Variants in DLG2 observed in about 807,000 individuals in gnomAD.
DLG2 encodes the protein disks large homolog 2.
Under a neutral mutation model 132.5 loss-of-function variants are expected in DLG2, and 45 were observed. That is an observed-to-expected ratio of 0.34 (90% CI 0.27 to 0.44). The LOEUF is 0.44. Ranked by LOEUF, DLG2 falls within the 20% of genes least tolerant of loss-of-function variation. DLG2 has a pLI of 1.00. For missense variants in DLG2, 1,045 were observed against 1,196.9 expected, an observed-to-expected ratio of 0.87 and a Z score of 1.87; for synonymous variants, 424 against 419.6, an observed-to-expected ratio of 1.01 and a Z score of -0.13.
chr11:84,526,821 CAGG>C (rs1247377210), intron 7 of DLG2, among the ~76,000 whole-genome samples: 1 of 147,794 alleles, frequency 6.8e-6, no homozygotes, highest in Non-Finnish European at 1.5e-5. Flanking sequence ...CTCTGTCGCC[CAGG>C]CTGGAGTGCA....
At chr11:83,649,927 T>A (rs1020401071) in intron 18 of DLG2, among the ~76,000 whole-genome samples, 1 of 152,218 alleles carries the variant, frequency 6.6e-6, no homozygotes, top group Non-Finnish European at 1.5e-5. Context: ...TTGGCTTCCT[T>A]TAGTCAGAAT....
intron 19 of DLG2, among the ~76,000 whole-genome samples, chr11:83,552,743 T>C (rs760377103): frequency 3.9e-5 from 6 of 152,232 alleles, no homozygotes; most frequent in Admixed American, 6.5e-5. Flanking sequence ...CAGCTTTTCT[T>C]CTTGTAGACA....
At chr11:83,824,234 C>T (rs1361548349) in intron 17 of DLG2, among the ~76,000 whole-genome samples, 3 of 152,114 alleles carry the variant, frequency 2.0e-5, no homozygotes, top group African/African-American at 7.2e-5. Context: ...GGGAAGTTTC[C>T]CCTCCAGAAT....
intron 6 of DLG2, among the ~76,000 whole-genome samples, chr11:84,776,378 A>C (rs2070497257): frequency 6.6e-6 from 1 of 152,108 alleles, no homozygotes; most frequent in Non-Finnish European, 1.5e-5. Context: ...GCTGGTCTTG[A>C]ACTCCTGGGC....
intron 6 of DLG2, among the ~76,000 whole-genome samples, chr11:84,728,616 G>C (rs2062784209): frequency 6.6e-6 from 1 of 152,162 alleles, no homozygotes; most frequent in Non-Finnish European, 1.5e-5. Flanking sequence ...AAATGAGTTA[G>C]GGAGGATTCC....
At chr11:84,730,203 C>A (rs1030443674) in intron 6 of DLG2, among the ~76,000 whole-genome samples, 1 of 151,974 alleles carries the variant, frequency 6.6e-6, no homozygotes, top group Non-Finnish European at 1.5e-5. Flanking sequence ...CCAGTTTGGA[C>A]ACTTGCTATG....
rs147674381 is a variant in DLG2 at position 85,157,652 on chromosome 11, C to G, written c.187-3001G>C. Among the ~76,000 whole-genome samples, 644 of 152,176 alleles carry G rather than the reference C, an allele frequency of 4.2e-3. 16 individuals are homozygous for G. Among genetic ancestry groups the G allele is most frequent in the East Asian group, 4.1e-3 (21 of 5,170 alleles). ...TAAATACCAGCTTCAGAAGCAGATA[C>G]GGAGCCTCAAATCTGCTAAGATTAC... is the stretch of plus-strand genomic sequence containing the variant. On this transcript the variant is annotated intron_variant, in intron 4 of 27. Transcript: ENST00000376104.
At chr11:84,318,075 T>C (rs1413641168) in intron 7 of DLG2, among the ~76,000 whole-genome samples, 2 of 152,190 alleles carry the variant, frequency 1.3e-5, no homozygotes, top group East Asian at 1.9e-4. Flanking sequence ...TCACCACAAA[T>C]AGAGTCTGCG....
At chr11:84,892,016 T>G (rs1370436637) in intron 6 of DLG2, among the ~76,000 whole-genome samples, 2 of 152,124 alleles carry the variant, frequency 1.3e-5, no homozygotes, top group East Asian at 1.9e-4. Context: ...ATTAAGCAAG[T>G]TTTTCAGAAT....
intron 15 of DLG2, among the ~76,000 whole-genome samples, chr11:83,890,296 T>G (rs2069376568): frequency 6.6e-6 from 1 of 152,162 alleles, no homozygotes; most frequent in South Asian, 2.1e-4. Context: ...CACTCTGATT[T>G]TTATTCTTCG....
At chr11:84,385,220 T>G (rs1179801300) in intron 7 of DLG2, among the ~76,000 whole-genome samples, 1 of 151,996 alleles carries the variant, frequency 6.6e-6, no homozygotes, top group African/African-American at 2.4e-5. Flanking sequence ...GCAGTAAAAT[T>G]TTTTTAATCT....
intron 7 of DLG2, among the ~76,000 whole-genome samples, chr11:84,454,591 A>C (rs933578213): frequency 7.3e-5 from 11 of 151,522 alleles, no homozygotes; most frequent in Admixed American, 2.0e-4. Flanking sequence ...ATAAAAAACC[A>C]ATGTTCCTTA....
In DLG2 at chr11:85,279,246, T is replaced by C. The variant is rs530168648; in HGVS notation, c.186+5974A>G. On this transcript the variant is annotated intron_variant, in intron 4 of 27. Transcript: ENST00000376104. The stretch of plus-strand genomic sequence containing the variant: ...TGAAGAAAAAACATGTTCCTGAGTT[T>C]CACTTTACATAGCAACCAATGTGTG... Among the ~76,000 whole-genome samples, 14 of 152,246 alleles carry C rather than the reference T, an allele frequency of 9.2e-5. No individual in the cohort carries two copies. In the South Asian group the frequency reaches 2.9e-3, roughly 32 times the overall value.
At chr11:85,069,109 C>G (rs1386651569) in intron 6 of DLG2, among the ~76,000 whole-genome samples, 1 of 151,538 alleles carries the variant, frequency 6.6e-6, no homozygotes, top group African/African-American at 2.4e-5. Flanking sequence ...ATGGAGAAAG[C>G]TGAAACTGGA....
chr11:85,177,466 A>T (rs541239782), intron 4 of DLG2, among the ~76,000 whole-genome samples: 1 of 152,218 alleles, frequency 6.6e-6, no homozygotes, highest in South Asian at 2.1e-4. Flanking sequence ...TGGGAGCTGA[A>T]TGATGAGAAC....
At chr11:83,828,862 A>G (rs558093591) in intron 17 of DLG2, among the ~76,000 whole-genome samples, 7 of 143,704 alleles carry the variant, frequency 4.9e-5, no homozygotes, top group African/African-American at 1.5e-4. Flanking sequence ...GTGTGTGTGT[A>G]TATATATATA....
At chr11:84,102,807 T>C (rs1247369926) in intron 9 of DLG2, among the ~76,000 whole-genome samples, 1 of 152,156 alleles carries the variant, frequency 6.6e-6, no homozygotes, top group Non-Finnish European at 1.5e-5. Flanking sequence ...TGGAACTTAG[T>C]CTGTGAATCA....
Position 84,414,546 on chromosome 11 carries a change from G to T in DLG2, c.519+120024C>A, listed in dbSNP as rs1053249556. Among the ~76,000 whole-genome samples, 43 of 152,246 alleles carry T rather than the reference G, an allele frequency of 2.8e-4. 1 individual carries two copies. Among genetic ancestry groups the T allele is most frequent in the Non-Finnish European group, 7.4e-5 (5 of 68,024 alleles). On this transcript the variant is annotated intron_variant, in intron 7 of 27. Transcript: ENST00000376104. The stretch of plus-strand genomic sequence containing the variant: ...TGTTTTGAAATGGGTATTATATTCG[G>T]ACTGAACGTTTTCCTCCCTAGATTT...
At chr11:84,590,625 A>T (rs1015161869) in intron 6 of DLG2, among the ~76,000 whole-genome samples, 1 of 152,116 alleles carries the variant, frequency 6.6e-6, no homozygotes, top group Non-Finnish European at 1.5e-5. Flanking sequence ...AATTCCAAAC[A>T]CTATGATTTA....
Sources: gnomAD v4.1 joint callset for allele counts (sites outside exome capture counted in the v4.1 genomes callset) on GRCh38, gnomAD v4.1.1 for gene constraint, MANE v1.5 for transcripts, NCBI Gene and HGNC (gene_info 2026-07-23, HGNC 2026-07-21) for gene names.